The following GRK7 variants were observed in gnomAD, a reference collection of about 807,000 sequenced individuals.
GRK7 encodes G protein-coupled receptor kinase 7.
Under a neutral mutation model 34.1 loss-of-function variants are expected in GRK7, and 24 were observed. The observed-to-expected ratio is 0.70, with a 90% CI of 0.51 to 0.99. GRK7 has a LOEUF of 0.99. GRK7 is among the 50% of genes least tolerant of loss of function. GRK7 has a pLI of 0.00. For missense variants in GRK7, 644 were observed against 707.3 expected, an observed-to-expected ratio of 0.91 and a Z score of 1.02; for synonymous variants, 256 against 279.4, an observed-to-expected ratio of 0.92 and a Z score of 0.84.
At chr3:141,806,290 C>T (rs114685252) in intron 4 of GRK7, among the ~76,000 whole-genome samples, 3,744 of 152,192 alleles carry the variant, frequency 0.025, 125 homozygotes, top group African/African-American at 0.083. Flanking sequence ...CGGCCAGGCA[C>T]GGTGGCTCAC....
intron 4 of GRK7, among the ~76,000 whole-genome samples, chr3:141,804,479 T>C (rs1711002782): frequency 1.3e-5 from 2 of 152,152 alleles, no homozygotes; most frequent in African/African-American, 2.4e-5. Context: ...GATAGCCTTC[T>C]AGGTGTTTCC....
At chr3:141,793,773 T>C (rs188753815) in intron 4 of GRK7, among the ~76,000 whole-genome samples, 58 of 152,344 alleles carry the variant, frequency 3.8e-4, no homozygotes, top group Admixed American at 3.6e-3. Context: ...CAGCCAGGCA[T>C]GGCTGCATAA....
At chr3:141,750,454 C>T in the GRK7 span, among the ~76,000 whole-genome samples, 1 of 152,328 alleles carries the variant, frequency 6.6e-6, no homozygotes, top group Admixed American at 6.5e-5. Context: ...AAATCCTTAA[C>T]TTCTCTGTGC....
chr3:141,770,958 G>A (rs1447929735), intron 1 of GRK7, among the ~76,000 whole-genome samples: 2 of 140,000 alleles, frequency 1.4e-5, no homozygotes, highest in East Asian at 4.2e-4. Context: ...TCACACCACT[G>A]CACTCCGGCC....
chr3:141,814,920 G>A lies in GRK7; in HGVS notation c.1326-1794G>A, dbSNP rs927136169. Among the ~76,000 whole-genome samples the A allele has an allele frequency of 2.5e-5, 3 of 120,396 alleles. No homozygotes were observed. In the Admixed American group the frequency reaches 2.7e-4, roughly 11 times the overall value. The allele number at this position is 120,396 out of a possible 152,430, so 79.0% of individuals were successfully genotyped here. The stretch of plus-strand genomic sequence containing the variant: ...GTTTGTTTGGTTGGTTTGTTGGTTG[G>A]TTTTTTTTTTTTTTTTTTTTTAGAG... On this transcript the variant is annotated intron_variant, in intron 5 of 5. Transcript: ENST00000682958.
intron 4 of GRK7, among the ~76,000 whole-genome samples, chr3:141,783,065 G>C (rs1475881492): frequency 6.6e-6 from 1 of 152,180 alleles, no homozygotes; most frequent in Non-Finnish European, 1.5e-5. Context: ...GATGGCTGCT[G>C]TAGCCCCAGC....
At chr3:141,755,676 A>T in the GRK7 span, among the ~76,000 whole-genome samples, 3 of 152,184 alleles carry the variant, frequency 2.0e-5, no homozygotes, top group Admixed American at 6.5e-5. Flanking sequence ...AAATAGACTG[A>T]TAACACTAAG....
intron 1 of GRK7, among the ~76,000 whole-genome samples, chr3:141,767,833 A>G (rs1208147227): frequency 6.6e-6 from 1 of 152,176 alleles, no homozygotes; most frequent in Non-Finnish European, 1.5e-5. Flanking sequence ...TGCTAAGTGA[A>G]AAGTACCCTG....
intron 4 of GRK7, among the ~76,000 whole-genome samples, chr3:141,794,564 G>A (rs979819182): frequency 2.6e-5 from 4 of 152,236 alleles, no homozygotes; most frequent in East Asian, 3.8e-4. Context: ...TTGGGTGATC[G>A]TCTCTGATCA....
At chr3:141,779,143 G>A (rs1191275363) in intron 3 of GRK7, among the ~76,000 whole-genome samples, 1 of 152,154 alleles carries the variant, frequency 6.6e-6, no homozygotes, top group Non-Finnish European at 1.5e-5. Flanking sequence ...TCTCCATTAG[G>A]AACGTGCTGA....
At chr3:141,775,627 T>C (rs1231499893) in intron 2 of GRK7, among the ~76,000 whole-genome samples, 1 of 152,106 alleles carries the variant, frequency 6.6e-6, no homozygotes, top group South Asian at 2.1e-4. Context: ...TGAAATGTGT[T>C]GTAAGTGTAA....
chr3:141,807,592 C>T (rs1711048288), intron 4 of GRK7, 53 bp from the exon 5 acceptor site: 1 of 1,502,822 alleles, frequency 6.7e-7, no homozygotes, highest in Non-Finnish European at 9.2e-7. Context: ...CTGCTACACT[C>T]ACCTTAGTGT....
chr3:141,808,790 G>A (rs559465391), intron 5 of GRK7, among the ~76,000 whole-genome samples: 1 of 152,220 alleles, frequency 6.6e-6, no homozygotes, highest in East Asian at 1.9e-4. Flanking sequence ...TGTCTAATGA[G>A]TATAAATTTT....
intron 5 of GRK7, among the ~76,000 whole-genome samples, chr3:141,813,942 G>A (rs770173659): frequency 3.3e-5 from 5 of 152,156 alleles, no homozygotes; most frequent in Admixed American, 6.5e-5. Context: ...TTAACTGACA[G>A]TAGGCCCTGA....
intron 1 of GRK7, among the ~76,000 whole-genome samples, chr3:141,772,372 C>T (rs1205282339): frequency 3.9e-5 from 6 of 152,158 alleles, no homozygotes; most frequent in African/African-American, 7.2e-5. Flanking sequence ...GGATTACAGG[C>T]GTGAGCCACT....
intron 4 of GRK7, among the ~76,000 whole-genome samples, chr3:141,798,302 C>A (rs1263943697): frequency 6.6e-6 from 1 of 152,198 alleles, no homozygotes; most frequent in Non-Finnish European, 1.5e-5. Flanking sequence ...CACTGCCAGG[C>A]GTGCTAAACC....
intron 4 of GRK7, among the ~76,000 whole-genome samples, chr3:141,791,356 C>G (rs1209319590): frequency 1.3e-5 from 2 of 152,040 alleles, no homozygotes; most frequent in East Asian, 3.9e-4. Flanking sequence ...ACCATGCCCC[C>G]CAGTTTTTTT....
rs964856000 is a variant in GRK7 at position 141,807,733 on chromosome 3, G to A, written c.1139G>A (p.Ser380Asn). 12 of 1,614,040 alleles carry A rather than the reference G, an allele frequency of 7.4e-6. No homozygotes were observed. Among genetic ancestry groups the A allele is most frequent in the Non-Finnish European group, 9.3e-6 (11 of 1,179,876 alleles). ...GTGGACTGGTTTGCCATGGGATGCA[G>A]CATTTATGAAATGGTTGCTGGACGA... ...YPVDWFAMGC[S>N]IYEMVAGRTP... is the part of the protein sequence containing the mutation. The change falls in exon 5 of 6, where the codon AGC becomes AAC. Residue 380 changes from serine (S) to asparagine (N), a missense_variant. Physicochemically the swap from Ser to Asn is conservative, Grantham distance 46 (BLOSUM62 1). Transcript: ENST00000682958.
At chr3:141,793,799 G>A (rs2107885976) in intron 4 of GRK7, among the ~76,000 whole-genome samples, 1 of 152,362 alleles carries the variant, frequency 6.6e-6, no homozygotes, top group South Asian at 2.1e-4. Context: ...GGGGCTCACT[G>A]TGAAATAAAA....
Sources: allele counts gnomAD v4.1 joint callset (sites outside exome capture counted in the v4.1 genomes callset), GRCh38; gene constraint gnomAD v4.1.1; transcripts MANE v1.5; gene names NCBI Gene and HGNC (gene_info 2026-07-23, HGNC 2026-07-21).